MTHFD1L: variants seen among roughly 807,000 people sequenced by gnomAD.
MTHFD1L encodes monofunctional C1-tetrahydrofolate synthase, mitochondrial.
MTHFD1L carries 81 observed loss-of-function variants against 119.5 expected under a neutral mutation model. The ratio of observed to expected loss-of-function variants is 0.68; its 90% CI spans 0.57 to 0.82. MTHFD1L has a LOEUF of 0.82. Ranked by LOEUF, MTHFD1L falls within the 40% of genes least tolerant of loss-of-function variation. The pLI is 0.00. For missense variants in MTHFD1L, 1,125 were observed against 1,253.4 expected, an observed-to-expected ratio of 0.90 and a Z score of 1.55; for synonymous variants, 430 against 475.2, an observed-to-expected ratio of 0.90 and a Z score of 1.24.
At chr6:151,099,482 T>A in intron 27 of MTHFD1L, 1 of 1,176,668 alleles carries the variant, frequency 8.5e-7, no homozygotes, top group Non-Finnish European at 1.3e-6. Context: ...TCTCTCTTCC[T>A]CGGCGCTGCC....
intron 9 of MTHFD1L, among the ~76,000 whole-genome samples, chr6:150,919,684 T>C (rs1441975853): frequency 6.6e-6 from 1 of 152,152 alleles, no homozygotes; most frequent in Non-Finnish European, 1.5e-5. Flanking sequence ...TATATACTTT[T>C]AAATGACCAG....
chr6:150,887,050 C>G (rs1782445308), intron 6 of MTHFD1L, among the ~76,000 whole-genome samples: 1 of 151,312 alleles, frequency 6.6e-6, no homozygotes, highest in Admixed American at 6.6e-5. Flanking sequence ...TTTCTCTACT[C>G]CAGTTTGAAT....
rs1232401348 is a variant in MTHFD1L, at chr6:150,877,707, A to C, written c.363+23A>C. On this transcript the variant is annotated intron_variant, in intron 3 of 27. Coordinates refer to ENST00000367321, the MANE Select transcript of MTHFD1L (RefSeq NM_015440.5). ...GAGGTGAGGACTGCTGCTTTTAAAA[A>C]ATTCACTATAACTTTTAACAATACA... 3 of 1,614,120 alleles carry C rather than the reference A, an allele frequency of 1.9e-6. No homozygotes were observed. The Admixed American group carries it at 5.0e-5, about 27-fold the overall frequency.
At chr6:150,976,297 A>G (rs1344354184) in intron 20 of MTHFD1L, among the ~76,000 whole-genome samples, 2 of 152,202 alleles carry the variant, frequency 1.3e-5, no homozygotes, top group Non-Finnish European at 2.9e-5. Flanking sequence ...CTTTGAAGAA[A>G]TTCTTTCCCA....
At chr6:151,026,036 C>G (rs1309061588) in intron 24 of MTHFD1L, among the ~76,000 whole-genome samples, 1 of 151,976 alleles carries the variant, frequency 6.6e-6, no homozygotes, top group Admixed American at 6.6e-5. Flanking sequence ...TTTTTGTCAT[C>G]AAAAAATTAT....
intron 26 of MTHFD1L, among the ~76,000 whole-genome samples, chr6:151,083,499 A>G (rs1341196200): frequency 6.6e-6 from 1 of 152,086 alleles, no homozygotes; most frequent in African/African-American, 2.4e-5. Flanking sequence ...CCCGGCCACA[A>G]ATAAGTTTAT....
rs1435954444 is a variant in MTHFD1L, at chr6:151,015,521, A to G, written c.2414A>G (p.Asp805Gly). 1.2e-6 allele frequency: 2 copies of G among 1,606,476 alleles called. No individual in the cohort carries two copies. Among genetic ancestry groups the G allele is most frequent in the African/African-American group, 1.3e-5 (1 of 74,334 alleles). ...ACAAACATTTTCTTCACTAGGACCG[A>G]CACCCGCGCTGAGATTGACTTGGTG... ...VVVALNVFKT[D>G]TRAEIDLVCE... The change falls in exon 24 of 28, where the codon GAC becomes GGC. Residue 805 changes from aspartate to glycine, a missense_variant. Asp to Gly is a moderately conservative substitution (Grantham distance 94). Around this residue, in one of 3 missense-constraint regions of MTHFD1L, gnomAD observed 1,058 missense variants for 1,151.2 expected, o/e 0.92. Transcript: ENST00000367321.
rs553296474 is a variant in MTHFD1L, at chr6:150,969,695, A to C, written c.2014-2252A>C. On this transcript the variant is annotated intron_variant, in intron 19 of 27. Transcript: ENST00000367321. ...AACAGAGAAATCCACAGTAACTATA[A>C]TACATCCCTTAAAGGATAAGCATGC... is the stretch of plus-strand genomic sequence containing the variant. 4.6e-5 allele frequency among the ~76,000 whole-genome samples: 7 copies of C among 152,278 alleles called. No homozygotes were observed. In the East Asian group the frequency reaches 1.4e-3, roughly 29 times the overall value.
chr6:150,956,182 GGTT>G, intron 17 of MTHFD1L, 111 bp downstream of exon 17: 1 of 1,073,814 alleles, frequency 9.3e-7, no homozygotes, highest in Non-Finnish European at 1.4e-6. Flanking sequence ...TGTGGCCAGT[GGTT>G]CTCTCACTGT....
chr6:151,004,222 G>A (rs1033279440), intron 20 of MTHFD1L, among the ~76,000 whole-genome samples: 8 of 151,970 alleles, frequency 5.3e-5, no homozygotes, highest in Non-Finnish European at 8.8e-5. Context: ...TTACTTGGGA[G>A]GCTGAGGCAG....
chr6:150,971,875 C>A, intron 19 of MTHFD1L, 72 bp from the exon 20 acceptor site: 1 of 1,318,996 alleles, frequency 7.6e-7, no homozygotes, highest in Non-Finnish European at 1.1e-6. Context: ...ACCCCATTTG[C>A]CCCAAATTGA....
chr6:150,879,624 GTTT>G (rs551381943), intron 4 of MTHFD1L, among the ~76,000 whole-genome samples: 1 of 107,896 alleles, frequency 9.3e-6, no homozygotes, highest in Non-Finnish European at 1.8e-5. Context: ...TGCCACTGGT[GTTT>G]TTTTTTTTTT....
intron 24 of MTHFD1L, among the ~76,000 whole-genome samples, chr6:151,016,565 C>T (rs1246248749): frequency 6.6e-6 from 1 of 151,848 alleles, no homozygotes; most frequent in Non-Finnish European, 1.5e-5. Context: ...TCATGGTTCA[C>T]CCACCTCGGC....
intron 26 of MTHFD1L, among the ~76,000 whole-genome samples, chr6:151,049,011 G>C (rs1788554233): frequency 6.6e-6 from 1 of 152,100 alleles, no homozygotes; most frequent in Admixed American, 6.5e-5. Flanking sequence ...CCCACTTCAG[G>C]CACTAATTGC....
intron 26 of MTHFD1L, among the ~76,000 whole-genome samples, chr6:151,090,825 A>T (rs1186975205): frequency 6.6e-6 from 1 of 151,958 alleles, no homozygotes; most frequent in Non-Finnish European, 1.5e-5. Flanking sequence ...GTCTCCTCCA[A>T]GCGACTGGGT....
chr6:151,015,099 C>T (rs1782836691), intron 23 of MTHFD1L, 119 bp downstream of exon 23: 7 of 736,620 alleles, frequency 9.5e-6, no homozygotes, highest in Non-Finnish European at 1.3e-5. Context: ...CAGAAATACC[C>T]AGTTCTTTCT....
chr6:151,016,573 G>A (rs2092645), intron 24 of MTHFD1L, among the ~76,000 whole-genome samples: 9,987 of 151,498 alleles, frequency 0.066, 1,049 homozygotes, highest in East Asian at 0.56. Context: ...CACCCACCTC[G>A]GCCTCCCAAA....
At chr6:150,947,566 C>T (rs1350007802) in intron 15 of MTHFD1L, among the ~76,000 whole-genome samples, 1 of 151,764 alleles carries the variant, frequency 6.6e-6, no homozygotes, top group Non-Finnish European at 1.5e-5. Flanking sequence ...ACCCCCGTCT[C>T]TACAAAAAAT....
intron 1 of MTHFD1L, among the ~76,000 whole-genome samples, chr6:150,868,881 T>C (rs960055079): frequency 6.6e-6 from 1 of 152,024 alleles, no homozygotes; most frequent in Admixed American, 6.6e-5. Flanking sequence ...GGCAACATAG[T>C]GAGACACCCA....
Sources: gnomAD v4.1 joint callset for allele counts (sites outside exome capture counted in the v4.1 genomes callset) on GRCh38, gnomAD v4.1.1 for gene constraint, gnomAD v4.1.1 regional missense constraint, MANE v1.5 for transcripts, NCBI Gene and HGNC (gene_info 2026-07-23, HGNC 2026-07-21) for gene names.